ZFHX4: variants seen among roughly 807,000 people sequenced by gnomAD.
ZFHX4 encodes zinc finger homeobox protein 4.
In ZFHX4, 56 loss-of-function variants were observed where a neutral mutation model predicts 267.6. That is an observed-to-expected ratio of 0.21 (90% CI 0.17 to 0.26). The LOEUF is 0.26. Among genes scored for constraint, ZFHX4 ranks in the 10% least tolerant of loss-of-function variants. ZFHX4 has a pLI of 1.00. For synonymous variants in ZFHX4, 1,778 were observed against 1,665.6 expected, an observed-to-expected ratio of 1.07 and a Z score of -1.64; for missense variants, 4,332 against 4,420.0, an observed-to-expected ratio of 0.98 and a Z score of 0.56.
intron 1 of ZFHX4, among the ~76,000 whole-genome samples, chr8:76,687,997 A>G (rs368663965): frequency 2.6e-5 from 4 of 152,146 alleles, no homozygotes; most frequent in African/African-American, 9.7e-5. Flanking sequence ...ACTTGAGAAA[A>G]CAAGCAGGGG....
intron 3 of ZFHX4, among the ~76,000 whole-genome samples, chr8:76,768,865 C>T (rs1810181671): frequency 6.6e-6 from 1 of 151,996 alleles, no homozygotes; most frequent in African/African-American, 2.4e-5. Flanking sequence ...ATGAGGCGAG[C>T]ACAAGTGAAA....
At chr8:76,751,414 A>G (rs1809610820) in intron 3 of ZFHX4, among the ~76,000 whole-genome samples, 1 of 152,296 alleles carries the variant, frequency 6.6e-6, no homozygotes, top group Non-Finnish European at 1.5e-5. Flanking sequence ...TCAGGTTTCC[A>G]CAATAGACAT....
chr8:76,717,589 T>C (rs1366600616), intron 3 of ZFHX4, among the ~76,000 whole-genome samples: 1 of 152,166 alleles, frequency 6.6e-6, no homozygotes, highest in Non-Finnish European at 1.5e-5. Context: ...CATGTAAAGA[T>C]TTTTATTCTT....
In ZFHX4 at chr8:76,767,340, G is replaced by A. The variant is rs576508044; in HGVS notation, c.3094-10868G>A. Among the ~76,000 whole-genome samples, 23 of 152,186 alleles carry A rather than the reference G, an allele frequency of 1.5e-4. No individual in the cohort carries two copies. In the East Asian group the frequency reaches 4.1e-3, roughly 27 times the overall value. On this transcript the variant is annotated intron_variant, in intron 3 of 10. Transcript: ENST00000651372. ...CTTGTGTTAATGATGTGTAAACATTGCTGGGTTGGGACAGATTATTTAGGT... is the reference window on the plus strand; with the variant it reads ...CTTGTGTTAATGATGTGTAAACATTACTGGGTTGGGACAGATTATTTAGGT...
Position 76,833,411 on chromosome 8 carries a change from T to G in ZFHX4, c.3394+5T>G. The G allele has an allele frequency of 1.3e-6, 2 of 1,599,110 alleles. No homozygotes were observed. The highest frequency in any genetic ancestry group is 1.3e-5 in the African/African-American group (1 of 74,714). ...AGCAGTTGAGATCGACCTCAGGTAA[T>G]GGTTCCTACTCCTTCTCAAAATATT... On this transcript the variant is annotated splice_donor_5th_base_variant and intron_variant, in intron 5 of 10. Coordinates refer to ENST00000651372, the MANE Select transcript of ZFHX4 (RefSeq NM_024721.5).
At chr8:76,811,650 C>T (rs1032626763) in intron 4 of ZFHX4, among the ~76,000 whole-genome samples, 1 of 152,130 alleles carries the variant, frequency 6.6e-6, no homozygotes, top group Non-Finnish European at 1.5e-5. Context: ...CATTGCCCTG[C>T]TTGAAACACC....
intron 3 of ZFHX4, among the ~76,000 whole-genome samples, chr8:76,759,698 C>A (rs1248234715): frequency 6.6e-6 from 1 of 152,060 alleles, no homozygotes; most frequent in African/African-American, 2.4e-5. Context: ...ATATTTTAAC[C>A]TTTAGTCATT....
chr8:76,732,732 T>A (rs77794639), intron 3 of ZFHX4, among the ~76,000 whole-genome samples: 7,734 of 152,290 alleles, frequency 0.051, 409 homozygotes, highest in East Asian at 0.24. Flanking sequence ...CAAGGGCTTT[T>A]AAAAACTGGT....
At chr8:76,831,320 G>A (rs907987106) in intron 4 of ZFHX4, among the ~76,000 whole-genome samples, 1 of 152,198 alleles carries the variant, frequency 6.6e-6, no homozygotes, top group Non-Finnish European at 1.5e-5. Flanking sequence ...TGTGGGGGTA[G>A]TGGTAGAGAT....
chr8:76,806,420 A>G lies in ZFHX4; in HGVS notation c.3326-26918A>G, dbSNP rs114601279. On this transcript the variant is annotated intron_variant, in intron 4 of 10. Transcript: ENST00000651372. Reference sequence around the variant, plus strand: ...GCCTGCTGTGAGAAAGGTAGGCTCTATTATTTTTGGTTATAGGTAAAATGG... The same window carrying G: ...GCCTGCTGTGAGAAAGGTAGGCTCTGTTATTTTTGGTTATAGGTAAAATGG... Among the ~76,000 whole-genome samples the G allele has an allele frequency of 2.6e-3, 389 of 152,224 alleles. 2 individuals carry two copies. The highest frequency in any genetic ancestry group is 8.9e-3 in the African/African-American group (369 of 41,568).
chr8:76,709,884 G>A (rs1780389928), intron 3 of ZFHX4, among the ~76,000 whole-genome samples: 2 of 151,640 alleles, frequency 1.3e-5, no homozygotes, highest in South Asian at 2.1e-4. Flanking sequence ...ATTCTCTTCA[G>A]GGCAATTTGC....
intron 4 of ZFHX4, among the ~76,000 whole-genome samples, chr8:76,781,961 A>G (rs1306460979): frequency 2.0e-5 from 3 of 152,050 alleles, no homozygotes; most frequent in East Asian, 3.9e-4. Context: ...AACATGTTTA[A>G]TTTCAGACAT....
intron 3 of ZFHX4, among the ~76,000 whole-genome samples, chr8:76,755,765 C>T (rs370199417): frequency 5.9e-5 from 9 of 152,188 alleles, no homozygotes; most frequent in Middle Eastern, 3.4e-3. Flanking sequence ...CACAACAGAG[C>T]CTTTGCGACT....
chr8:76,718,460 A>G (rs1808634870), intron 3 of ZFHX4, among the ~76,000 whole-genome samples: 1 of 152,184 alleles, frequency 6.6e-6, no homozygotes, highest in Non-Finnish European at 1.5e-5. Flanking sequence ...GGTAATTTAA[A>G]AAACCCGCAC....
intron 3 of ZFHX4, among the ~76,000 whole-genome samples, chr8:76,756,413 G>T (rs951318091): frequency 6.6e-6 from 1 of 151,958 alleles, no homozygotes; most frequent in Admixed American, 6.6e-5. Flanking sequence ...CTGATTTCTA[G>T]AGCAAGAAAC....
In ZFHX4 at chr8:76,849,528, A is replaced by G. The variant is rs1450453050; in HGVS notation, c.3662A>G (p.Tyr1221Cys). Reference protein sequence around the residue: ...FCHEQFYQCPYCNYNSRDQSR... With the variant: ...FCHEQFYQCPCCNYNSRDQSR... ...ATTTTCCAGTTCTATCAATGTCCTT[A>G]TTGTAACTACAATAGTAGGGACCAA... is the stretch of plus-strand genomic sequence containing the variant. Residue 1221 changes from tyrosine (Y) to cysteine (C), a missense_variant, in exon 8 of 11, where the codon TAT becomes TGT. Transcript: ENST00000651372. 6.2e-7 allele frequency: 1 copy of G among 1,613,554 alleles called. No individual in the cohort carries two copies. The highest frequency in any genetic ancestry group is 8.5e-7 in the Non-Finnish European group (1 of 1,179,580).
At chr8:76,702,581 A>G (rs930409574) in intron 1 of ZFHX4, among the ~76,000 whole-genome samples, 2 of 152,152 alleles carry the variant, frequency 1.3e-5, no homozygotes, top group Non-Finnish European at 2.9e-5. Flanking sequence ...ACTGTGTAAT[A>G]AGGTATAGGG....
rs534324746 is a variant in ZFHX4, at chr8:76,752,399, T to A, written c.3094-25809T>A. 8.8e-5 allele frequency among the ~76,000 whole-genome samples: 13 copies of A among 147,336 alleles called. 1 individual carries two copies. In the East Asian group the frequency reaches 2.2e-3, roughly 25 times the overall value. On this transcript the variant is annotated intron_variant, in intron 3 of 10. Transcript: ENST00000651372. ...GCTCACACCTGTAATCCCAGCACTT[T>A]GGGAGACCGAGGCAGGCAGATCATT...
intron 1 of ZFHX4, chr8:76,693,419 CT>C (rs1349787959): frequency 6.6e-6 from 1 of 152,136 alleles, no homozygotes; most frequent in Non-Finnish European, 1.5e-5. Context: ...GCACAATCCC[CT>C]TGTTTAACCA....
Sources: allele counts gnomAD v4.1 joint callset (sites outside exome capture counted in the v4.1 genomes callset), GRCh38; gene constraint gnomAD v4.1.1; transcripts MANE v1.5; gene names NCBI Gene and HGNC (gene_info 2026-07-23, HGNC 2026-07-21).